TAF4B: variants seen among roughly 807,000 people sequenced by gnomAD.
TAF4B encodes transcription initiation factor TFIID subunit 4B.
A neutral mutation model predicts 86.4 loss-of-function variants in TAF4B; 38 were observed. That is an observed-to-expected ratio of 0.44 (90% CI 0.34 to 0.58). The LOEUF (loss-of-function observed/expected upper bound fraction) is 0.58, where lower values mean the gene tolerates loss of function less well. TAF4B is among the 20% of genes least tolerant of loss of function. The pLI, the probability that TAF4B is intolerant of heterozygous loss-of-function variation, is 0.02. For missense variants in TAF4B, 988 were observed against 1,027.6 expected, an observed-to-expected ratio of 0.96 and a Z score of 0.53; for synonymous variants, 388 against 391.2, an observed-to-expected ratio of 0.99 and a Z score of 0.10.
intron 1 of TAF4B, among the ~76,000 whole-genome samples, chr18:26,227,994 G>A (rs1477371445): frequency 6.6e-6 from 1 of 152,224 alleles, no homozygotes; most frequent in African/African-American, 2.4e-5. Flanking sequence ...ACGTGCCACA[G>A]TTGACAAACA....
intron 13 of TAF4B, among the ~76,000 whole-genome samples, chr18:26,353,542 G>A (rs2057261983): frequency 6.6e-6 from 1 of 152,188 alleles, no homozygotes; most frequent in Non-Finnish European, 1.5e-5. Context: ...ACCAGCCTGG[G>A]CAACATAGCG....
At chr18:26,356,012 T>C (rs773936500) in intron 13 of TAF4B, among the ~76,000 whole-genome samples, 1 of 152,212 alleles carries the variant, frequency 6.6e-6, no homozygotes, top group Non-Finnish European at 1.5e-5. Flanking sequence ...TTTTCTTTAA[T>C]TAATTGTTGT....
chr18:26,315,192 C>CACAAAAA, intron 9 of TAF4B, 37 bp from the exon 10 acceptor site: 1 of 1,333,258 alleles, frequency 7.5e-7, no homozygotes, highest in Non-Finnish European at 1.0e-6. Context: ...CACACACACA[C>CACAAAAA]AACCTAAAAT....
chr18:26,271,193 G>T (rs973768587), intron 3 of TAF4B, among the ~76,000 whole-genome samples: 15 of 152,326 alleles, frequency 9.8e-5, no homozygotes, highest in Non-Finnish European at 1.3e-4. Context: ...AAATGCAAAT[G>T]TGTGTGTTAA....
chr18:26,265,549 G>C (rs996947503), intron 2 of TAF4B, among the ~76,000 whole-genome samples: 1 of 152,108 alleles, frequency 6.6e-6, no homozygotes, highest in Admixed American at 6.6e-5. Flanking sequence ...GGAATGTTCA[G>C]AGGGCTATCT....
intron 14 of TAF4B, among the ~76,000 whole-genome samples, chr18:26,372,813 A>C (rs2057415422): frequency 7.3e-6 from 1 of 137,030 alleles, no homozygotes; most frequent in Admixed American, 7.8e-5. Context: ...TACTAAAAAT[A>C]CAAAAAAATA....
chr18:26,344,879 T>C (rs936522), intron 13 of TAF4B, among the ~76,000 whole-genome samples: 141,804 of 152,202 alleles, frequency 0.93, 66,360 homozygotes, highest in East Asian at 0.99. Flanking sequence ...CATGAGGGTA[T>C]CTAGCATCTA....
chr18:26,270,656 G>A (rs1046398295), intron 3 of TAF4B, among the ~76,000 whole-genome samples: 2 of 152,178 alleles, frequency 1.3e-5, no homozygotes, highest in African/African-American at 2.4e-5. Context: ...CCTGGAGCCT[G>A]TGAATTCAGG....
intron 12 of TAF4B, among the ~76,000 whole-genome samples, chr18:26,330,627 T>A (rs1568157065): frequency 6.6e-6 from 1 of 152,152 alleles, no homozygotes; most frequent in African/African-American, 2.4e-5. Context: ...ATGTACACGT[T>A]TATATATATA....
chr18:26,389,291 C>T (rs548795062), intron 14 of TAF4B, among the ~76,000 whole-genome samples: 24 of 152,288 alleles, frequency 1.6e-4, no homozygotes, highest in African/African-American at 4.3e-4. Flanking sequence ...AAGTGCTCAG[C>T]GTGGTTCTCA....
chr18:26,309,245 ATTTTTTTTTTTTTTTTTTTTTT>A (rs59457633), intron 9 of TAF4B, among the ~76,000 whole-genome samples: 9 of 84,552 alleles, frequency 1.1e-4, no homozygotes, highest in South Asian at 6.3e-4. Flanking sequence ...ACCTGACAGT[ATTTTTTTTTTTTTTTTTTTTTT>A]TTTTTTTTTT....
At chr18:26,285,716 T>G (rs2056511790) in intron 6 of TAF4B, among the ~76,000 whole-genome samples, 166 bp from the exon 7 acceptor site, 1 of 152,244 alleles carries the variant, frequency 6.6e-6, no homozygotes, top group African/African-American at 2.4e-5. Context: ...ATTGATTGTA[T>G]CCTGGATATT....
chr18:26,304,148 A>G (rs1377511588), intron 9 of TAF4B, among the ~76,000 whole-genome samples: 1 of 145,264 alleles, frequency 6.9e-6, no homozygotes, highest in Non-Finnish European at 1.5e-5. Flanking sequence ...CAAGATTGAG[A>G]TTAGAATTAT....
intron 13 of TAF4B, among the ~76,000 whole-genome samples, chr18:26,344,996 C>T (rs78407074): frequency 0.076 from 11,512 of 152,250 alleles, 538 homozygotes; most frequent in Non-Finnish European, 0.1. Flanking sequence ...CCACCACAAA[C>T]GCATACAGTC....
intron 1 of TAF4B, among the ~76,000 whole-genome samples, chr18:26,262,544 G>A (rs527975052): frequency 7.9e-5 from 12 of 151,044 alleles, no homozygotes; most frequent in African/African-American, 2.7e-4. Flanking sequence ...ACGCGATCTC[G>A]GCTTACTGTA....
At chr18:26,296,265 C>G (rs998479368) in intron 9 of TAF4B, among the ~76,000 whole-genome samples, 2 of 152,082 alleles carry the variant, frequency 1.3e-5, no homozygotes, top group African/African-American at 4.8e-5. Context: ...GTGCTTCTCC[C>G]TCTCCTTTTT....
At chr18:26,278,621 T>G (rs1186165558) in intron 5 of TAF4B, among the ~76,000 whole-genome samples, 6 of 151,940 alleles carry the variant, frequency 3.9e-5, no homozygotes, top group African/African-American at 1.4e-4. Flanking sequence ...CTGTTGTTTT[T>G]TTTTTTTTTT....
chr18:26,339,539 C>T (rs2057120152), intron 13 of TAF4B, among the ~76,000 whole-genome samples: 1 of 152,132 alleles, frequency 6.6e-6, no homozygotes, highest in African/African-American at 2.4e-5. Flanking sequence ...GTTATCTAGG[C>T]TGATCTCGAT....
At chr18:26,236,883 A>AT (rs2055756266) in intron 1 of TAF4B, among the ~76,000 whole-genome samples, 1 of 152,156 alleles carries the variant, frequency 6.6e-6, no homozygotes. Flanking sequence ...TGATTGCATA[A>AT]TAAACTTATC....
Sources: allele counts gnomAD v4.1 joint callset (sites outside exome capture counted in the v4.1 genomes callset), GRCh38; gene constraint gnomAD v4.1.1; transcripts MANE v1.5; gene names NCBI Gene and HGNC (gene_info 2026-07-23, HGNC 2026-07-21).